GPC5: variants seen among roughly 807,000 people sequenced by gnomAD.
GPC5 encodes glypican-5.
In GPC5, 47 loss-of-function variants were observed where a neutral mutation model predicts 53.9. The ratio of observed to expected loss-of-function variants is 0.87; its 90% confidence interval spans 0.69 to 1.11. The LOEUF (loss-of-function observed/expected upper bound fraction) is 1.11, where lower values mean the gene tolerates loss of function less well. Ranked by LOEUF, GPC5 falls within the 50% of genes most tolerant of loss-of-function variation. GPC5 has a pLI of 0.00. For synonymous variants in GPC5, 286 were observed against 263.3 expected (o/e 1.09, Z -0.84); for missense variants, 748 against 713.1 (o/e 1.05, Z -0.56).
At chr13:91,752,442 A>AT (rs1396004962) in intron 4 of GPC5, among the ~76,000 whole-genome samples, 1 of 152,110 alleles carries the variant, frequency 6.6e-6, no homozygotes, top group African/African-American at 2.4e-5. Context: ...CAACATATGA[A>AT]TTTTTTTGTG....
At chr13:92,431,431 CTG>C (rs1022983381) in intron 7 of GPC5, among the ~76,000 whole-genome samples, 28 of 141,196 alleles carry the variant, frequency 2.0e-4, no homozygotes, top group African/African-American at 4.3e-4. Context: ...AGAAAAGTCT[CTG>C]TGAAGAGGTA....
intron 7 of GPC5, among the ~76,000 whole-genome samples, chr13:92,145,387 A>G (rs1047089135): frequency 2.6e-5 from 4 of 152,100 alleles, no homozygotes; most frequent in African/African-American, 9.7e-5. Context: ...TTTTTACTTT[A>G]TTGCACTTCT....
chr13:91,839,515 T>C (rs575586970), intron 5 of GPC5, among the ~76,000 whole-genome samples: 3 of 152,124 alleles, frequency 2.0e-5, no homozygotes, highest in African/African-American at 7.2e-5. Flanking sequence ...AGGTGGTTAA[T>C]GTTATATATT....
intron 7 of GPC5, among the ~76,000 whole-genome samples, chr13:92,145,532 C>G (rs1237348191): frequency 6.6e-6 from 1 of 150,874 alleles, no homozygotes; most frequent in African/African-American, 2.4e-5. Context: ...GATTTGAAAC[C>G]ATTTCAGAAC....
chr13:92,605,026 A>T (rs1884205978), intron 7 of GPC5, among the ~76,000 whole-genome samples: 2 of 152,212 alleles, frequency 1.3e-5, no homozygotes, highest in African/African-American at 4.8e-5. Context: ...GTCCCATTAC[A>T]TCTCCCAGAC....
At chr13:92,148,233 C>T (rs2041882350) in intron 7 of GPC5, among the ~76,000 whole-genome samples, 1 of 151,864 alleles carries the variant, frequency 6.6e-6, no homozygotes, top group South Asian at 2.1e-4. Flanking sequence ...CCTATTTATG[C>T]AAATGAAAAA....
chr13:92,526,262 A>G (rs1210853897), intron 7 of GPC5, among the ~76,000 whole-genome samples: 3 of 152,132 alleles, frequency 2.0e-5, no homozygotes, highest in Admixed American at 1.3e-4. Flanking sequence ...GAAAAATATG[A>G]TAAATGTTGA....
At chr13:92,794,781 A>G (rs980364589) in intron 7 of GPC5, among the ~76,000 whole-genome samples, 1 of 152,148 alleles carries the variant, frequency 6.6e-6, no homozygotes, top group African/African-American at 2.4e-5. Flanking sequence ...ACTCCCATTC[A>G]CCATTGCTAC....
intron 6 of GPC5, among the ~76,000 whole-genome samples, chr13:92,134,164 A>G (rs139589162): frequency 2.6e-5 from 4 of 152,272 alleles, no homozygotes; most frequent in Admixed American, 2.0e-4. Flanking sequence ...GAATTTATTC[A>G]CTTGTTTGCC....
chr13:91,410,626 G>T (rs28450250), intron 1 of GPC5, among the ~76,000 whole-genome samples: 2 of 151,722 alleles, frequency 1.3e-5, no homozygotes, highest in Non-Finnish European at 2.9e-5. Context: ...GATTACAGGC[G>T]TGAGCCACTA....
intron 7 of GPC5, among the ~76,000 whole-genome samples, chr13:92,808,964 T>C (rs1216007100): frequency 4.6e-5 from 7 of 152,062 alleles, no homozygotes. Context: ...AGGAGCTCAG[T>C]ATTCTCCCCT....
intron 7 of GPC5, among the ~76,000 whole-genome samples, chr13:92,192,166 GTTA>G (rs143348495): frequency 0.026 from 3,924 of 152,206 alleles, 168 homozygotes; most frequent in African/African-American, 0.087. Flanking sequence ...GTTGATACTT[GTTA>G]TTATACATTT....
At chr13:92,362,891 C>T (rs957208256) in intron 7 of GPC5, among the ~76,000 whole-genome samples, 1 of 151,674 alleles carries the variant, frequency 6.6e-6, no homozygotes, top group African/African-American at 2.4e-5. Context: ...CACTTCTGTC[C>T]AAAATAGATT....
intron 7 of GPC5, among the ~76,000 whole-genome samples, chr13:92,775,289 C>T (rs570164926): frequency 5.9e-5 from 9 of 152,252 alleles, no homozygotes; most frequent in African/African-American, 1.7e-4. Context: ...CCTCAAATAA[C>T]AAAGAGGTAA....
chr13:91,632,099 G>T (rs565020597), intron 2 of GPC5, among the ~76,000 whole-genome samples: 2 of 152,162 alleles, frequency 1.3e-5, no homozygotes, highest in African/African-American at 4.8e-5. Flanking sequence ...ACACTGTGGA[G>T]AGATGTCCTT....
At chr13:92,029,164 G>A (rs1199771250) in intron 6 of GPC5, among the ~76,000 whole-genome samples, 1 of 152,082 alleles carries the variant, frequency 6.6e-6, no homozygotes, top group African/African-American at 2.4e-5. Flanking sequence ...AGGTAGTGGG[G>A]TAAAGTGGAT....
intron 2 of GPC5, among the ~76,000 whole-genome samples, chr13:91,636,362 T>G (rs2034284180): frequency 6.6e-6 from 1 of 150,702 alleles, no homozygotes. Flanking sequence ...ACATATATAG[T>G]GTATACACAT....
intron 7 of GPC5, among the ~76,000 whole-genome samples, chr13:92,700,913 C>T (rs148769064): frequency 6.6e-6 from 1 of 152,206 alleles, no homozygotes; most frequent in African/African-American, 2.4e-5. Flanking sequence ...ACATCTTCTT[C>T]AGGTTACAGG....
At chr13:92,639,620 T>C (rs1885521554) in intron 7 of GPC5, among the ~76,000 whole-genome samples, 1 of 152,216 alleles carries the variant, frequency 6.6e-6, no homozygotes, top group East Asian at 1.9e-4. Flanking sequence ...ATTTTTCTTT[T>C]AGGTGGTCTG....
Sources: allele counts gnomAD v4.1 joint callset (sites outside exome capture counted in the v4.1 genomes callset), GRCh38; gene constraint gnomAD v4.1.1; transcripts MANE v1.5; gene names NCBI Gene and HGNC (gene_info 2026-07-23, HGNC 2026-07-21).